Variants in CARMIL1 observed in about 807,000 individuals in gnomAD.
CARMIL1 encodes the protein F-actin-uncapping protein LRRC16A.
A neutral mutation model predicts 177.1 loss-of-function variants in CARMIL1; 90 were observed. The ratio of observed to expected loss-of-function variants is 0.51; its 90% CI spans 0.43 to 0.61. The LOEUF (loss-of-function observed/expected upper bound fraction) is 0.61, where lower values mean the gene tolerates loss of function less well. Ranked by LOEUF, CARMIL1 falls within the 20% of genes least tolerant of loss-of-function variation. CARMIL1 has a pLI of 0.00. For missense variants in CARMIL1, 1,380 were observed against 1,667.0 expected, an observed-to-expected ratio of 0.83 and a Z score of 3.00; for synonymous variants, 577 against 606.2, an observed-to-expected ratio of 0.95 and a Z score of 0.71.
At chr6:25,551,501 C>T (rs1012074962) in intron 27 of CARMIL1, among the ~76,000 whole-genome samples, 2 of 152,126 alleles carry the variant, frequency 1.3e-5, no homozygotes, top group Non-Finnish European at 2.9e-5. Context: ...TTTGACCTTC[C>T]CATATTTTCC....
intron 4 of CARMIL1, among the ~76,000 whole-genome samples, chr6:25,427,276 A>G (rs1390332770): frequency 2.0e-5 from 3 of 152,106 alleles, no homozygotes; most frequent in African/African-American, 4.8e-5. Context: ...CTATCCATCC[A>G]TCACCTAGGT....
At chr6:25,414,554 A>T (rs1165858347) in intron 2 of CARMIL1, among the ~76,000 whole-genome samples, 1 of 152,216 alleles carries the variant, frequency 6.6e-6, no homozygotes, top group Admixed American at 6.5e-5. Context: ...GGAGCCAAAC[A>T]GAGAGGCTGG....
chr6:25,417,401 A>G (rs905690431), intron 2 of CARMIL1, among the ~76,000 whole-genome samples: 2 of 152,194 alleles, frequency 1.3e-5, no homozygotes, highest in African/African-American at 2.4e-5. Flanking sequence ...AAGGCCTGCA[A>G]ACTCTTAATT....
chr6:25,312,708 GC>G (rs1783928454), intron 2 of CARMIL1, among the ~76,000 whole-genome samples: 1 of 149,882 alleles, frequency 6.7e-6, no homozygotes, highest in South Asian at 2.1e-4. Context: ...TAATGGGGTA[GC>G]TTTTGGAATT....
chr6:25,418,023 G>A (rs938593043), intron 2 of CARMIL1, among the ~76,000 whole-genome samples: 6 of 152,206 alleles, frequency 3.9e-5, no homozygotes, highest in African/African-American at 1.4e-4. Context: ...AGAGCACAAG[G>A]AGGCACGATT....
chr6:25,364,252 G>A (rs1225972649), intron 2 of CARMIL1, among the ~76,000 whole-genome samples: 2 of 152,046 alleles, frequency 1.3e-5, no homozygotes, highest in African/African-American at 4.8e-5. Context: ...CCATTTTTTA[G>A]ATTTCATAGG....
chr6:25,595,967 T>G (rs1289285589), intron 32 of CARMIL1, among the ~76,000 whole-genome samples: 1 of 152,218 alleles, frequency 6.6e-6, no homozygotes, highest in Non-Finnish European at 1.5e-5. Context: ...GGAGAAAATC[T>G]CGACTCATCT....
chr6:25,485,518 TCCACCTC>T lies in CARMIL1; in HGVS notation c.962-2962_962-2956del, dbSNP rs1401485815. Among the ~76,000 whole-genome samples the T allele has an allele frequency of 8.5e-5, 13 of 152,218 alleles. No homozygotes were observed. The South Asian group carries it at 2.5e-3, about 29-fold the overall frequency. ...TGCATGATCTTGGCTCACTGCAACC[TCCACCTC>T]CAGGGTTCAAGCGATTCTCTTGCCT... is the stretch of plus-strand genomic sequence containing the variant. On this transcript the variant is annotated intron_variant, in intron 12 of 36. Coordinates refer to ENST00000329474, the MANE Select transcript of CARMIL1 (RefSeq NM_017640.6).
At chr6:25,388,642 G>A (rs1198690853) in intron 2 of CARMIL1, among the ~76,000 whole-genome samples, 3 of 152,114 alleles carry the variant, frequency 2.0e-5, no homozygotes, top group Non-Finnish European at 2.9e-5. Flanking sequence ...GGGATTACAG[G>A]CATAAGCCAC....
intron 36 of CARMIL1, among the ~76,000 whole-genome samples, chr6:25,613,064 CA>C (rs796157054): frequency 2.6e-5 from 4 of 151,178 alleles, no homozygotes; most frequent in Admixed American, 6.6e-5. Context: ...TTATTTGGGG[CA>C]AAAAAAATAT....
chr6:25,466,999 A>G (rs913531255), intron 9 of CARMIL1, among the ~76,000 whole-genome samples: 4 of 152,216 alleles, frequency 2.6e-5, no homozygotes, highest in African/African-American at 4.8e-5. Context: ...AGTTGGAACC[A>G]TTTCTTATTC....
Position 25,606,214 on chromosome 6 carries a change from A to C in CARMIL1, c.3788A>C (p.Lys1263Thr), listed in dbSNP as rs201300946. 6 of 1,613,860 alleles carry C rather than the reference A, an allele frequency of 3.7e-6. No homozygotes were observed. The highest frequency in any genetic ancestry group is 3.3e-5 in the South Asian group (3 of 91,064). The change falls in exon 35 of 37, where the codon AAA becomes ACA. Residue 1263 changes from lysine to threonine, a missense_variant. Coordinates refer to ENST00000329474, the MANE Select transcript of CARMIL1 (RefSeq NM_017640.6). Reference sequence around the variant, plus strand: ...CCGAAGCCCCTCCTGCAGTCCCCCAAACCCAGTCTGGCAGCACGGCCCGTC... The same window carrying C: ...CCGAAGCCCCTCCTGCAGTCCCCCACACCCAGTCTGGCAGCACGGCCCGTC... ...TSPKPLLQSP[K>T]PSLAARPVIP... is the part of the protein sequence containing the mutation.
intron 26 of CARMIL1, among the ~76,000 whole-genome samples, chr6:25,541,211 A>G (rs1808856519): frequency 1.3e-5 from 2 of 152,342 alleles, no homozygotes; most frequent in South Asian, 4.1e-4. Context: ...AAAAAAAGAA[A>G]GTGAAAATCC....
intron 1 of CARMIL1, among the ~76,000 whole-genome samples, chr6:25,284,268 A>G (rs1406739751): frequency 6.6e-6 from 1 of 152,122 alleles, no homozygotes; most frequent in East Asian, 1.9e-4. Context: ...TTATTTTCCA[A>G]ACAAGATTAT....
chr6:25,589,513 G>A (rs1814097296), intron 31 of CARMIL1, among the ~76,000 whole-genome samples: 1 of 151,954 alleles, frequency 6.6e-6, no homozygotes, highest in African/African-American at 2.4e-5. Context: ...TTTTGAGACA[G>A]GGTCTCACCT....
intron 32 of CARMIL1, among the ~76,000 whole-genome samples, chr6:25,598,755 C>T (rs569278563): frequency 1.6e-4 from 24 of 152,198 alleles, no homozygotes; most frequent in South Asian, 1.5e-3. Flanking sequence ...ATGGGGGCAC[C>T]GAAGAGCTTC....
At chr6:25,344,092 G>T (rs544546184) in intron 2 of CARMIL1, among the ~76,000 whole-genome samples, 1 of 152,174 alleles carries the variant, frequency 6.6e-6, no homozygotes, top group African/African-American at 2.4e-5. Flanking sequence ...CAGGATTTCA[G>T]TCCCCATGTT....
In CARMIL1 at chr6:25,515,752, C is replaced by T; in HGVS notation, c.1710C>T (p.Asn570=). ...TCATCATCAATGCCCTGGGAAGCAA[C>T]ACCTCCCTGACCAAAGTGGACATTA... The part of the protein sequence containing the change: ...VTIIINALGS[N]TSLTKVDISG... The change falls in exon 21 of 37, where the codon AAC becomes AAT. Residue 570 remains asparagine, a synonymous_variant. Coordinates refer to ENST00000329474, the MANE Select transcript of CARMIL1 (RefSeq NM_017640.6). The surrounding 1 kb of genome is among the most constrained non-coding windows in gnomAD (Gnocchi z 5.0). 1.2e-6 allele frequency: 2 copies of T among 1,611,536 alleles called. No homozygotes were observed. Among genetic ancestry groups the T allele is most frequent in the Non-Finnish European group, 1.7e-6 (2 of 1,178,988 alleles).
At chr6:25,341,782 A>G (rs1786972877) in intron 2 of CARMIL1, among the ~76,000 whole-genome samples, 1 of 152,250 alleles carries the variant, frequency 6.6e-6, no homozygotes, top group African/African-American at 2.4e-5. Flanking sequence ...AATAAGACAG[A>G]CATAGTTTTT....
Sources: allele counts gnomAD v4.1 joint callset (sites outside exome capture counted in the v4.1 genomes callset), GRCh38; gene constraint gnomAD v4.1.1; non-coding constraint Gnocchi (gnomAD v3.1); transcripts MANE v1.5; gene names NCBI Gene and HGNC (gene_info 2026-07-23, HGNC 2026-07-21).